Variants in UNC13C observed in about 807,000 individuals in gnomAD.
The protein encoded by UNC13C is protein unc-13 homolog C.
A neutral mutation model predicts 245.4 loss-of-function variants in UNC13C; 174 were observed. The observed-to-expected ratio is 0.71, with a 90% CI of 0.63 to 0.80. The LOEUF is 0.80. Among genes scored for constraint, UNC13C ranks in the 30% least tolerant of loss-of-function variants. UNC13C has a pLI of 0.00. For synonymous variants in UNC13C, 992 were observed against 895.1 expected (o/e 1.11, Z -1.93); for missense variants, 2,829 against 2,602.9 (o/e 1.09, Z -1.89).
intron 30 of UNC13C, among the ~76,000 whole-genome samples, chr15:54,595,915 C>T (rs1249317332): frequency 6.6e-6 from 1 of 152,032 alleles, no homozygotes; most frequent in African/African-American, 2.4e-5. Context: ...TACTCAATCT[C>T]TTAAATGATT....
intron 4 of UNC13C, among the ~76,000 whole-genome samples, chr15:54,145,916 T>G (rs2032235649): frequency 6.6e-6 from 1 of 152,230 alleles, no homozygotes; most frequent in African/African-American, 2.4e-5. Context: ...AGTTCCTCTT[T>G]GCATTTCGAA....
chr15:54,143,586 G>C, intron 3 of UNC13C, 34 bp from the exon 4 acceptor site: 1 of 1,593,468 alleles, frequency 6.3e-7, no homozygotes, highest in South Asian at 1.1e-5. Flanking sequence ...CTAAAAGCCT[G>C]TTTGTTTTGT....
intron 19 of UNC13C, among the ~76,000 whole-genome samples, chr15:54,463,715 G>A (rs917164084): frequency 5.9e-5 from 9 of 152,126 alleles, no homozygotes; most frequent in Non-Finnish European, 1.0e-4. Context: ...GGGAGGGTCC[G>A]CAGCTTCATT....
intron 26 of UNC13C, among the ~76,000 whole-genome samples, chr15:54,544,577 C>T (rs1896403048): frequency 6.6e-6 from 1 of 152,160 alleles, no homozygotes; most frequent in Non-Finnish European, 1.5e-5. Flanking sequence ...TCTCCTGAAG[C>T]TGATAAGAAC....
the UNC13C span, among the ~76,000 whole-genome samples, chr15:53,965,539 CTTA>C: frequency 6.9e-6 from 1 of 144,702 alleles, no homozygotes; most frequent in Non-Finnish European, 1.5e-5. Context: ...TTTTTTTTCC[CTTA>C]TTTATTTATT....
intron 4 of UNC13C, among the ~76,000 whole-genome samples, chr15:54,155,325 A>G (rs1352139509): frequency 6.6e-6 from 1 of 152,190 alleles, no homozygotes; most frequent in East Asian, 1.9e-4. Flanking sequence ...AATAAGTGGA[A>G]GCATGCAAGG....
At chr15:54,295,979 C>G (rs2037418463) in intron 11 of UNC13C, among the ~76,000 whole-genome samples, 1 of 152,102 alleles carries the variant, frequency 6.6e-6, no homozygotes, top group Non-Finnish European at 1.5e-5. Flanking sequence ...CTTGATACAA[C>G]CCTCCTTATC....
chr15:54,526,957 C>T (rs535278428), intron 25 of UNC13C, among the ~76,000 whole-genome samples: 23 of 152,118 alleles, frequency 1.5e-4, no homozygotes, highest in African/African-American at 5.5e-4. Context: ...GAATAATCTC[C>T]CACTTAGCCT....
At chr15:54,391,140 G>A (rs1393939019) in intron 17 of UNC13C, among the ~76,000 whole-genome samples, 1 of 152,018 alleles carries the variant, frequency 6.6e-6, no homozygotes, top group Admixed American at 6.6e-5. Context: ...ATAAGTGGCT[G>A]TGATGTTACA....
At chr15:54,257,939 G>A (rs750578182) in intron 8 of UNC13C, among the ~76,000 whole-genome samples, 1 of 152,056 alleles carries the variant, frequency 6.6e-6, no homozygotes, top group Non-Finnish European at 1.5e-5. Context: ...TTTCATGGGG[G>A]CAAAAAGCAG....
rs746209049 is a variant in UNC13C at position 54,623,794 on chromosome 15, G to GTGAT, written c.6202_6205dup (p.Ala2069AspfsTer4). ...AAAATGTGATATTTCCTTTTTTTTA[G>GTGAT]TGATTGCTATTAATGACCTAAACTG... is the stretch of plus-strand genomic sequence containing the variant. On this transcript the variant is annotated frameshift_variant and splice_region_variant. Transcript: ENST00000260323. LOFTEE classifies it high-confidence loss of function. 1.2e-6 allele frequency: 2 copies of GTGAT among 1,601,284 alleles called. No homozygotes were observed. Among genetic ancestry groups the GTGAT allele is most frequent in the Admixed American group, 1.8e-5 (1 of 56,880 alleles).
At chr15:54,530,539 G>A (rs1321231653) in intron 25 of UNC13C, among the ~76,000 whole-genome samples, 1 of 152,136 alleles carries the variant, frequency 6.6e-6, no homozygotes. Flanking sequence ...AAATTATGCA[G>A]TGCGTCATAT....
At chr15:54,185,763 G>T (rs569143948) in intron 4 of UNC13C, among the ~76,000 whole-genome samples, 89 of 151,002 alleles carry the variant, frequency 5.9e-4, no homozygotes, top group African/African-American at 2.1e-3. Flanking sequence ...GGATCTTTTT[G>T]GTTCCATATG....
the UNC13C span, among the ~76,000 whole-genome samples, chr15:53,950,085 TG>T: frequency 6.6e-6 from 1 of 152,236 alleles, no homozygotes; most frequent in East Asian, 1.9e-4. Context: ...AAGTACATGT[TG>T]GGGGAAAAAT....
At position 54,265,454 on chromosome 15, in the gene UNC13C, T is replaced by G. The variant is rs2036529587; in HGVS notation, c.3776T>G (p.Ile1259Ser). Residue 1259 changes from isoleucine to serine, a missense_variant, in exon 10 of 33, where the codon ATT becomes AGT. By Grantham distance (142) the Ile-to-Ser change is moderately radical. Transcript: ENST00000260323. The part of the protein sequence containing the change: ...VGKNKRRTKT[I>S]FGNLNPVWDE... ...AAGAACAAAAGAAGAACAAAAACCATTTTTGGAAATTTGAATCCAGTATGG... is the reference window on the plus strand; with the variant it reads ...AAGAACAAAAGAAGAACAAAAACCAGTTTTGGAAATTTGAATCCAGTATGG... 2 of 1,564,036 alleles carry G rather than the reference T, an allele frequency of 1.3e-6. No homozygotes were observed. Among genetic ancestry groups the G allele is most frequent in the Non-Finnish European group, 1.7e-6 (2 of 1,151,722 alleles).
At chr15:54,521,530 C>A (rs1895214536) in intron 24 of UNC13C, among the ~76,000 whole-genome samples, 1 of 152,140 alleles carries the variant, frequency 6.6e-6, no homozygotes, top group Admixed American at 6.5e-5. Flanking sequence ...GCTTGAGGGT[C>A]AGTTTAACAA....
rs190031208 is a variant in UNC13C, at chr15:54,161,015, G to A, written c.3071+17331G>A. ...TTGGGAAAGCTGTTGTGAGTAACAG[G>A]ACAACCTCATAATTAAACAAAAGAG... On this transcript the variant is annotated intron_variant, in intron 4 of 32. Coordinates refer to ENST00000260323, the MANE Select transcript of UNC13C (RefSeq NM_001080534.3). 2.0e-5 allele frequency among the ~76,000 whole-genome samples: 3 copies of A among 152,284 alleles called. No homozygotes were observed. The East Asian group carries it at 5.8e-4, about 29-fold the overall frequency.
At chr15:54,184,482 C>T (rs761822407) in intron 4 of UNC13C, among the ~76,000 whole-genome samples, 9 of 151,900 alleles carry the variant, frequency 5.9e-5, no homozygotes, top group South Asian at 2.1e-4. Context: ...GTGTTCTCTT[C>T]GATCAATTCC....
chr15:53,882,890 T>A, the UNC13C span, among the ~76,000 whole-genome samples: 1 of 152,128 alleles, frequency 6.6e-6, no homozygotes, highest in Non-Finnish European at 1.5e-5. Context: ...CACTGGGGCC[T>A]ATCAGAGGGT....
Sources: allele counts gnomAD v4.1 joint callset (sites outside exome capture counted in the v4.1 genomes callset), GRCh38; gene constraint gnomAD v4.1.1; transcripts MANE v1.5; gene names NCBI Gene and HGNC (gene_info 2026-07-23, HGNC 2026-07-21).